SUPT3H: variants seen among roughly 807,000 people sequenced by gnomAD.
SUPT3H encodes the protein transcription initiation protein SPT3 homolog.
Under a neutral mutation model 44.3 loss-of-function variants are expected in SUPT3H, and 44 were observed. The observed-to-expected ratio is 0.99, with a 90% confidence interval of 0.78 to 1.28. The LOEUF is 1.28. SUPT3H is among the 50% of genes most tolerant of loss of function. SUPT3H has a pLI of 0.00. For missense variants in SUPT3H, 380 were observed against 387.1 expected (o/e 0.98, Z 0.15); for synonymous variants, 124 against 125.6 (o/e 0.99, Z 0.09).
At chr6:44,984,233 T>G (rs1383452498) in intron 6 of SUPT3H, among the ~76,000 whole-genome samples, 1 of 152,080 alleles carries the variant, frequency 6.6e-6, no homozygotes, top group Non-Finnish European at 1.5e-5. Flanking sequence ...TTCCTGAGAC[T>G]TAAGATTGGT....
intron 6 of SUPT3H, among the ~76,000 whole-genome samples, chr6:44,963,153 C>T (rs563547734): frequency 9.9e-5 from 15 of 151,802 alleles, no homozygotes; most frequent in African/African-American, 3.6e-4. Flanking sequence ...TATACACAAA[C>T]ACACATATAT....
intron 5 of SUPT3H, 65 bp downstream of exon 5, chr6:45,014,736 A>G (rs1783988347): frequency 8.7e-7 from 1 of 1,147,688 alleles, no homozygotes; most frequent in Non-Finnish European, 1.2e-6. Flanking sequence ...GAATTGCATA[A>G]ATGTGTTATC....
At chr6:45,351,314 C>G (rs1340840785) in intron 2 of SUPT3H, among the ~76,000 whole-genome samples, 2 of 152,108 alleles carry the variant, frequency 1.3e-5, no homozygotes, top group Non-Finnish European at 2.9e-5. Flanking sequence ...AAGATCACAA[C>G]TTCCTATGCA....
In SUPT3H at chr6:45,130,708, ACC is replaced by A. The variant is rs1414741599; in HGVS notation, c.102-24704_102-24703del. Reference sequence around the variant, plus strand: ...GTAAAAAAAAAAAACAAAAAAAAAAACCACTTTTTTTTTTTTTTTTTTTTTTC... The same window carrying A: ...GTAAAAAAAAAAAACAAAAAAAAAAAACTTTTTTTTTTTTTTTTTTTTTTC... On this transcript the variant is annotated intron_variant, in intron 2 of 10. Transcript: ENST00000371459. Among the ~76,000 whole-genome samples the A allele has an allele frequency of 6.8e-3, 773 of 114,246 alleles. 56 individuals are homozygous for A. Among genetic ancestry groups the A allele is most frequent in the Middle Eastern group, 0.024 (4 of 170 alleles). The allele number at this position is 114,246 out of a possible 152,430, so 74.9% of individuals were successfully genotyped here.
chr6:44,931,638 G>C (rs1770608797), intron 10 of SUPT3H, among the ~76,000 whole-genome samples: 2 of 151,982 alleles, frequency 1.3e-5, no homozygotes, highest in Admixed American at 6.6e-5. Context: ...AAAGTGCAAA[G>C]TTTCACCATT....
chr6:44,959,165 C>T (rs142905567), intron 7 of SUPT3H, among the ~76,000 whole-genome samples: 73 of 152,222 alleles, frequency 4.8e-4, no homozygotes, highest in African/African-American at 1.7e-3. Context: ...ACTAGGATTA[C>T]AGGCGTGAGC....
intron 2 of SUPT3H, among the ~76,000 whole-genome samples, chr6:45,241,142 G>A (rs565755925): frequency 3.2e-4 from 48 of 152,252 alleles, no homozygotes; most frequent in African/African-American, 9.9e-4. Flanking sequence ...GTAGCTCACC[G>A]TGACAAAGCT....
chr6:45,284,779 G>A (rs933002517), intron 2 of SUPT3H, among the ~76,000 whole-genome samples: 3 of 152,092 alleles, frequency 2.0e-5, no homozygotes, highest in South Asian at 2.1e-4. Context: ...AAGACTAGCA[G>A]AGACACAACA....
intron 2 of SUPT3H, among the ~76,000 whole-genome samples, chr6:45,361,164 G>A (rs1021138458): frequency 4.6e-5 from 7 of 152,032 alleles, no homozygotes; most frequent in Non-Finnish European, 7.4e-5. Flanking sequence ...TTTTTAAAAT[G>A]TATTTTATTA....
chr6:45,171,764 C>CTGGA (rs1405683401), intron 2 of SUPT3H, among the ~76,000 whole-genome samples: 15 of 117,580 alleles, frequency 1.3e-4, no homozygotes, highest in Admixed American at 1.1e-3. Flanking sequence ...GTCACCCAGG[C>CTGGA]TGGAGTGCAG....
At chr6:45,164,160 T>G (rs1396822274) in intron 2 of SUPT3H, among the ~76,000 whole-genome samples, 2 of 152,128 alleles carry the variant, frequency 1.3e-5, no homozygotes, top group Non-Finnish European at 2.9e-5. Flanking sequence ...GGCAGTGCAG[T>G]GTAGTTCAAG....
chr6:44,901,164 C>G (rs893575097), intron 10 of SUPT3H, among the ~76,000 whole-genome samples: 16 of 152,036 alleles, frequency 1.1e-4, no homozygotes, highest in Admixed American at 2.0e-4. Context: ...CAGAACAAAG[C>G]TGGATGGAGA....
chr6:44,844,947 T>C (rs986208120), intron 10 of SUPT3H, among the ~76,000 whole-genome samples: 1 of 152,174 alleles, frequency 6.6e-6, no homozygotes, highest in Non-Finnish European at 1.5e-5. Flanking sequence ...AATAATGCTT[T>C]TGTTGGAGAT....
intron 7 of SUPT3H, among the ~76,000 whole-genome samples, chr6:44,957,935 G>C (rs1038462331): frequency 2.0e-5 from 3 of 152,286 alleles, no homozygotes; most frequent in African/African-American, 4.8e-5. Context: ...TGTGGAGAAG[G>C]ATGGCTTTAG....
At position 44,987,037 on chromosome 6, in the gene SUPT3H, G is replaced by A. The variant is rs1484936754; in HGVS notation, c.504+16616C>T. On this transcript the variant is annotated intron_variant, in intron 6 of 10. Transcript: ENST00000371459. Reference sequence around the variant, plus strand: ...ATTTCTCCCGGTTCTGAAGGCTAGAGGTTCAACATCAGGGTGCCAGCACAC... The same window carrying A: ...ATTTCTCCCGGTTCTGAAGGCTAGAAGTTCAACATCAGGGTGCCAGCACAC... Among the ~76,000 whole-genome samples the A allele has an allele frequency of 6.6e-5, 10 of 152,108 alleles. No homozygotes were observed. The East Asian group carries it at 9.6e-4, about 15-fold the overall frequency.
chr6:45,350,542 C>G (rs1436774088), intron 2 of SUPT3H, among the ~76,000 whole-genome samples: 2 of 152,130 alleles, frequency 1.3e-5, no homozygotes, highest in Non-Finnish European at 2.9e-5. Flanking sequence ...TAGTCACAAA[C>G]TTGCTGAGTA....
At chr6:44,902,724 T>A (rs995974522) in intron 10 of SUPT3H, among the ~76,000 whole-genome samples, 1 of 152,126 alleles carries the variant, frequency 6.6e-6, no homozygotes, top group Non-Finnish European at 1.5e-5. Flanking sequence ...CAACAGAATA[T>A]ACATTCTTCT....
At chr6:45,158,300 T>TATATATATATATA (rs1562573429) in intron 2 of SUPT3H, among the ~76,000 whole-genome samples, 5 of 63,714 alleles carry the variant, frequency 7.8e-5, no homozygotes, top group African/African-American at 3.2e-4. Context: ...ATATATATAT[T>TATATATATATATA]TTTTTTTTTT....
intron 10 of SUPT3H, among the ~76,000 whole-genome samples, chr6:44,901,000 T>C (rs1764931275): frequency 1.3e-5 from 2 of 151,894 alleles, no homozygotes. Flanking sequence ...AGAAGGAACA[T>C]CCACACCAAA....
Sources: allele counts gnomAD v4.1 joint callset (sites outside exome capture counted in the v4.1 genomes callset), GRCh38; gene constraint gnomAD v4.1.1; transcripts MANE v1.5; gene names NCBI Gene and HGNC (gene_info 2026-07-23, HGNC 2026-07-21).